GRIN2A: variants seen among roughly 807,000 people sequenced by gnomAD.
GRIN2A encodes glutamate ionotropic receptor NMDA type subunit 2A, also known as glutamate receptor ionotropic, NMDA 2A.
A neutral mutation model predicts 113.4 loss-of-function variants in GRIN2A; 22 were observed. That is an observed-to-expected ratio of 0.19 (90% confidence interval 0.14 to 0.28). GRIN2A has a LOEUF of 0.28. Ranked by LOEUF, GRIN2A falls within the 10% of genes least tolerant of loss-of-function variation. The pLI is 1.00. For synonymous variants in GRIN2A, 827 were observed against 738.4 expected (o/e 1.12, Z -1.94); for missense variants, 1,502 against 1,887.0 (o/e 0.80, Z 3.78).
rs574787420 is a variant in GRIN2A, at chr16:9,993,092, T to C, written c.415-54541A>G. Among the ~76,000 whole-genome samples the C allele has an allele frequency of 2.6e-5, 4 of 151,306 alleles. No homozygotes were observed. The East Asian group carries it at 7.7e-4, about 29-fold the overall frequency. ...AAAACCCCAAAAAATTAGCCAGGTA[T>C]GGTGGTGCACGTCTGTAGTCCCAGC... On this transcript the variant is annotated intron_variant, in intron 2 of 12. Transcript: ENST00000330684.
intron 2 of GRIN2A, among the ~76,000 whole-genome samples, chr16:9,966,251 C>A (rs1875205): frequency 0.78 from 118,253 of 152,042 alleles, 46,365 homozygotes; most frequent in Non-Finnish European, 0.81. Flanking sequence ...GTTACTTTCC[C>A]GACTCTCTTC....
At chr16:10,029,161 G>C (rs546790000) in intron 2 of GRIN2A, among the ~76,000 whole-genome samples, 1 of 152,054 alleles carries the variant, frequency 6.6e-6, no homozygotes, top group South Asian at 2.1e-4. Context: ...TCTACAAGAA[G>C]AGCACTATAC....
intron 6 of GRIN2A, 48 bp downstream of exon 6, chr16:9,840,888 C>G (rs1307222667): frequency 1.2e-6 from 2 of 1,604,896 alleles, no homozygotes; most frequent in Non-Finnish European, 1.7e-6. Context: ...CTGAGGACTG[C>G]AGGCCCTTTG....
chr16:9,785,664 TA>T (rs1298101451), intron 11 of GRIN2A, among the ~76,000 whole-genome samples: 1 of 151,958 alleles, frequency 6.6e-6, no homozygotes, highest in Non-Finnish European at 1.5e-5. Context: ...TATAAAATAT[TA>T]TAAAATTATG....
chr16:9,893,732 G>T (rs1437140459), intron 3 of GRIN2A, among the ~76,000 whole-genome samples: 1 of 152,190 alleles, frequency 6.6e-6, no homozygotes, highest in African/African-American at 2.4e-5. Flanking sequence ...CTCCCAAAGT[G>T]CTGGGATTAC....
chr16:9,987,232 G>C (rs773135224), intron 2 of GRIN2A, among the ~76,000 whole-genome samples: 16 of 152,194 alleles, frequency 1.1e-4, no homozygotes, highest in Non-Finnish European at 1.9e-4. Context: ...ACATGGCCCA[G>C]ACCTCGCTAA....
At chr16:9,891,701 G>C (rs573061362) in intron 3 of GRIN2A, among the ~76,000 whole-genome samples, 3 of 152,174 alleles carry the variant, frequency 2.0e-5, no homozygotes, top group Non-Finnish European at 2.9e-5. Flanking sequence ...CAAGGCTGAG[G>C]AAGTGCAGCT....
At position 9,911,656 on chromosome 16, in the gene GRIN2A, G is replaced by C. The variant is rs138221604; in HGVS notation, c.1008-20556C>G. 1.2e-3 allele frequency among the ~76,000 whole-genome samples: 188 copies of C among 152,278 alleles called. 1 individual carries two copies. Among genetic ancestry groups the C allele is most frequent in the African/African-American group, 4.2e-3 (175 of 41,550 alleles). On this transcript the variant is annotated intron_variant, in intron 3 of 12. Transcript: ENST00000330684. Reference sequence around the variant, plus strand: ...ACAATGCCCTCCAACTTAGGAACAAGGAAGTGCATTTGGAAAAACATAGCT... The same window carrying C: ...ACAATGCCCTCCAACTTAGGAACAACGAAGTGCATTTGGAAAAACATAGCT...
chr16:10,158,208 T>A (rs914935349), intron 2 of GRIN2A, among the ~76,000 whole-genome samples: 4 of 152,128 alleles, frequency 2.6e-5, no homozygotes, highest in Non-Finnish European at 5.9e-5. Flanking sequence ...TTCCACCATA[T>A]TGCCGAGGCT....
At chr16:9,965,716 C>G (rs1412373734) in intron 2 of GRIN2A, among the ~76,000 whole-genome samples, 1 of 152,154 alleles carries the variant, frequency 6.6e-6, no homozygotes, top group Admixed American at 6.5e-5. Flanking sequence ...GAGGAAATCA[C>G]CCAGGATCAC....
At chr16:9,929,827 T>C (rs2044547872) in intron 3 of GRIN2A, among the ~76,000 whole-genome samples, 1 of 152,204 alleles carries the variant, frequency 6.6e-6, no homozygotes, top group Non-Finnish European at 1.5e-5. Flanking sequence ...TCCTAAGACT[T>C]ACATCTGGCC....
chr16:9,870,567 A>G (rs1012420618), intron 4 of GRIN2A, among the ~76,000 whole-genome samples: 1 of 152,130 alleles, frequency 6.6e-6, no homozygotes, highest in African/African-American at 2.4e-5. Context: ...ATAGATGTGA[A>G]AGAGATATTA....
intron 2 of GRIN2A, among the ~76,000 whole-genome samples, chr16:10,066,273 T>C (rs1330127172): frequency 6.6e-6 from 1 of 152,190 alleles, no homozygotes; most frequent in Non-Finnish European, 1.5e-5. Context: ...GAGGGTTGCC[T>C]GAACACTAGC....
rs533511220 is a variant in GRIN2A at position 9,909,829 on chromosome 16, A to C, written c.1008-18729T>G. Among the ~76,000 whole-genome samples, 3 of 152,330 alleles carry C rather than the reference A, an allele frequency of 2.0e-5. No individual in the cohort carries two copies. The East Asian group carries it at 5.8e-4, about 29-fold the overall frequency. On this transcript the variant is annotated intron_variant, in intron 3 of 12. Coordinates refer to ENST00000330684, the MANE Select transcript of GRIN2A (RefSeq NM_001134407.3). The stretch of plus-strand genomic sequence containing the variant: ...TTCATATATATCGTTGCTTAAGAAG[A>C]CGCTATGGTGGAATTTTATGTCTCT...
At chr16:9,771,129 C>G (rs963431897) in intron 11 of GRIN2A, among the ~76,000 whole-genome samples, 9 of 151,896 alleles carry the variant, frequency 5.9e-5, no homozygotes, top group African/African-American at 2.2e-4. Flanking sequence ...GTTTTAGCCA[C>G]TCTCATAGGG....
At chr16:9,820,359 T>A (rs2042259324) in intron 10 of GRIN2A, among the ~76,000 whole-genome samples, 1 of 152,208 alleles carries the variant, frequency 6.6e-6, no homozygotes, top group Non-Finnish European at 1.5e-5. Flanking sequence ...ATGGCTAAAC[T>A]GTAAAGTCAT....
chr16:9,852,716 C>T (rs927434662), intron 4 of GRIN2A, among the ~76,000 whole-genome samples: 2 of 152,110 alleles, frequency 1.3e-5, no homozygotes, highest in East Asian at 3.8e-4. Context: ...CTGCAAACAC[C>T]AAAAATCTCA....
At chr16:9,903,206 T>G (rs2141524554) in intron 3 of GRIN2A, among the ~76,000 whole-genome samples, 1 of 152,168 alleles carries the variant, frequency 6.6e-6, no homozygotes, top group Non-Finnish European at 1.5e-5. Context: ...CCTGACCTCA[T>G]GATCCGCCAC....
chr16:9,768,979 T>G lies in GRIN2A; in HGVS notation c.2467A>C (p.Met823Leu). The change falls in exon 12 of 13, where the codon ATG (methionine) becomes CTG (leucine). Residue 823 changes from methionine (M) to leucine (L), a missense_variant. This residue lies in a region of GRIN2A where 101 missense variants were observed against 240.4 expected (regional missense o/e 0.42). Transcript: ENST00000330684. ...CTAAGGGCCATGGCGGCAGCCAGCA[T>G]GTAGAATACGCCCGCCATGTTGTCA... ...DIDNMAGVFYMLAAAMALSLI... is the reference protein window; with the variant it reads ...DIDNMAGVFYLLAAAMALSLI... 6.2e-7 allele frequency: 1 copy of G among 1,614,082 alleles called. No individual in the cohort carries two copies. The highest frequency in any genetic ancestry group is 8.5e-7 in the Non-Finnish European group (1 of 1,179,910).
Sources: gnomAD v4.1 joint callset for allele counts (sites outside exome capture counted in the v4.1 genomes callset) on GRCh38, gnomAD v4.1.1 for gene constraint, gnomAD v4.1.1 regional missense constraint, MANE v1.5 for transcripts, NCBI Gene and HGNC (gene_info 2026-07-23, HGNC 2026-07-21) for gene names.